PHF24: variants seen among roughly 807,000 people sequenced by gnomAD.
The protein encoded by PHF24 is PHD finger protein 24.
Under a neutral mutation model 42.6 loss-of-function variants are expected in PHF24, and 25 were observed. The ratio of observed to expected loss-of-function variants is 0.59; its 90% CI spans 0.43 to 0.82. The LOEUF is 0.82. PHF24 is among the 40% of genes least tolerant of loss of function. PHF24 has a pLI of 0.00. For synonymous variants in PHF24, 185 were observed against 204.8 expected (o/e 0.90, Z 0.83); for missense variants, 470 against 538.1 (o/e 0.87, Z 1.25).
At chr9:34,863,842 T>A in the PHF24 span, among the ~76,000 whole-genome samples, 1 of 152,230 alleles carries the variant, frequency 6.6e-6, no homozygotes. Flanking sequence ...AGATATGTGA[T>A]CTTTCAGGCA....
chr9:34,915,032 T>C, the PHF24 span, among the ~76,000 whole-genome samples: 17 of 137,424 alleles, frequency 1.2e-4, no homozygotes, highest in African/African-American at 3.2e-4. Flanking sequence ...TTTTCTTTTT[T>C]TTTTTTTTTT....
chr9:34,833,261 G>A, the PHF24 span: 11 of 1,550,858 alleles, frequency 7.1e-6, no homozygotes, highest in South Asian at 1.1e-4. Context: ...GTTCACACTG[G>A]CCTCTACCTG....
At chr9:34,668,077 G>A in the PHF24 span, among the ~76,000 whole-genome samples, 84,892 of 151,980 alleles carry the variant, frequency 0.56, 24,092 homozygotes, top group East Asian at 0.8. Context: ...CCCAGGAATT[G>A]GGTGTTGATT....
At chr9:34,775,097 C>G in the PHF24 span, among the ~76,000 whole-genome samples, 54 of 152,074 alleles carry the variant, frequency 3.6e-4, 1 homozygote, top group African/African-American at 1.3e-3. Flanking sequence ...AAGAGATATT[C>G]GTACATCCAT....
chr9:34,768,672 C>T, the PHF24 span, among the ~76,000 whole-genome samples: 1 of 152,188 alleles, frequency 6.6e-6, no homozygotes, highest in African/African-American at 2.4e-5. Flanking sequence ...AAGGAACACT[C>T]TCACTAAAGA....
chr9:34,692,785 CTTTTTTTTT>C, the PHF24 span, among the ~76,000 whole-genome samples: 1 of 120,064 alleles, frequency 8.3e-6, no homozygotes, highest in South Asian at 2.7e-4. Context: ...TTCTTTTGTC[CTTTTTTTTT>C]TTTTTTTTTT....
chr9:34,879,396 A>G, the PHF24 span, among the ~76,000 whole-genome samples: 12 of 152,114 alleles, frequency 7.9e-5, no homozygotes, highest in African/African-American at 2.9e-4. Flanking sequence ...TTCAGATGAT[A>G]GGTAATAACA....
chr9:34,749,283 G>T, the PHF24 span, among the ~76,000 whole-genome samples: 1 of 152,084 alleles, frequency 6.6e-6, no homozygotes, highest in Non-Finnish European at 1.5e-5. Context: ...GATACATATA[G>T]AAGTTTCTTC....
chr9:34,865,630 A>G, the PHF24 span, among the ~76,000 whole-genome samples: 76,934 of 152,078 alleles, frequency 0.51, 20,946 homozygotes, highest in Non-Finnish European at 0.61. Context: ...GTAACCTCAA[A>G]TCAAAAAACA....
At chr9:34,943,700 C>T in the PHF24 span, among the ~76,000 whole-genome samples, 151,855 of 152,312 alleles carry the variant, frequency 1, 75,702 homozygotes, top group Middle Eastern at 1. Flanking sequence ...TTGCTACCTA[C>T]TTTTCTCCCA....
the PHF24 span, chr9:34,725,606 T>C: frequency 6.6e-7 from 1 of 1,515,068 alleles, no homozygotes. Flanking sequence ...CTGGGTGTGC[T>C]GAGACCTCTG....
the PHF24 span, among the ~76,000 whole-genome samples, chr9:34,776,486 T>C: frequency 2.6e-5 from 4 of 152,368 alleles, no homozygotes; most frequent in Non-Finnish European, 5.9e-5. Flanking sequence ...TGTTAAAGTG[T>C]TTGAATGTAT....
the PHF24 span, among the ~76,000 whole-genome samples, chr9:34,699,064 G>C: frequency 6.6e-6 from 1 of 152,200 alleles, no homozygotes; most frequent in African/African-American, 2.4e-5. Flanking sequence ...GTGACCTAAG[G>C]GTGCTATCTA....
At chr9:34,823,684 G>A in the PHF24 span, among the ~76,000 whole-genome samples, 1 of 152,066 alleles carries the variant, frequency 6.6e-6, no homozygotes, top group Non-Finnish European at 1.5e-5. Flanking sequence ...AACCTGGCTG[G>A]ATGAAAAACT....
At chr9:34,812,807 T>A in the PHF24 span, among the ~76,000 whole-genome samples, 1 of 152,230 alleles carries the variant, frequency 6.6e-6, no homozygotes, top group African/African-American at 2.4e-5. Flanking sequence ...CGTAAAGCAG[T>A]GGGAACTATC....
At chr9:34,846,366 T>A in the PHF24 span, among the ~76,000 whole-genome samples, 16 of 151,834 alleles carry the variant, frequency 1.1e-4, no homozygotes, top group Admixed American at 9.8e-4. Context: ...TGAGCATTTT[T>A]TCATGTGTTT....
chr9:34,883,304 G>T, the PHF24 span, among the ~76,000 whole-genome samples: 1 of 152,162 alleles, frequency 6.6e-6, no homozygotes, highest in Non-Finnish European at 1.5e-5. Flanking sequence ...ATAGGCATGG[G>T]CAAGGACTTC....
the PHF24 span, chr9:34,726,658 T>C: frequency 5.2e-6 from 8 of 1,551,720 alleles, no homozygotes; most frequent in Non-Finnish European, 7.0e-6. Context: ...AGTAATCTTG[T>C]ATGCCATCTG....
At chr9:34,743,461 A>G in the PHF24 span, among the ~76,000 whole-genome samples, 2 of 152,252 alleles carry the variant, frequency 1.3e-5, no homozygotes, top group African/African-American at 2.4e-5. Flanking sequence ...ACTTCTCCAG[A>G]TAACTGCAGA....
Sources: allele counts gnomAD v4.1 joint callset (sites outside exome capture counted in the v4.1 genomes callset), GRCh38; gene constraint gnomAD v4.1.1; transcripts MANE v1.5; gene names NCBI Gene and HGNC (gene_info 2026-07-23, HGNC 2026-07-21).